The following WDR25 variants were observed in gnomAD, a reference collection of about 807,000 sequenced individuals.
WDR25 encodes the protein WD repeat domain 25, also known as WD repeat-containing protein 25.
In WDR25, 35 loss-of-function variants were observed where a neutral mutation model predicts 47.7. The observed-to-expected ratio is 0.73, with a 90% CI of 0.56 to 0.97. The LOEUF (loss-of-function observed/expected upper bound fraction) is 0.97, where lower values mean the gene tolerates loss of function less well. Among genes scored for constraint, WDR25 ranks in the 50% least tolerant of loss-of-function variants. The probability of loss-of-function intolerance (pLI) is 0.00; values close to 1 mark genes in which losing one functional copy is unlikely to be tolerated. For synonymous variants in WDR25, 248 were observed against 278.9 expected (o/e 0.89, Z 1.10); for missense variants, 634 against 704.7 (o/e 0.90, Z 1.14).
chr14:100,524,350 G>T (rs2030008651), intron 4 of WDR25, among the ~76,000 whole-genome samples: 1 of 152,124 alleles, frequency 6.6e-6, no homozygotes, highest in South Asian at 2.1e-4. Flanking sequence ...GGCAGGGAGG[G>T]CCGTCATCTT....
In WDR25 at chr14:100,498,817, C is replaced by A. The variant is rs1376978064; in HGVS notation, c.1101+14693C>A. On this transcript the variant is annotated intron_variant, in intron 4 of 6. Transcript: ENST00000402312. This position sits in a 1 kb window ranked among gnomAD's most constrained non-coding sequence, Gnocchi z 4.2. ...CCCCTGATTTGGAATGGTTTCTACTCGAAGGGGTATCTTTCTCTAATAGGA... is the reference window on the plus strand; with the variant it reads ...CCCCTGATTTGGAATGGTTTCTACTAGAAGGGGTATCTTTCTCTAATAGGA... Among the ~76,000 whole-genome samples the A allele has an allele frequency of 6.6e-6, 1 of 152,202 alleles. No individual in the cohort carries two copies. The highest frequency in any genetic ancestry group is 2.4e-5 in the African/African-American group (1 of 41,442).
chr14:100,405,945 A>G (rs1371804524), intron 2 of WDR25, among the ~76,000 whole-genome samples: 2 of 152,236 alleles, frequency 1.3e-5, no homozygotes, highest in Non-Finnish European at 2.9e-5. Flanking sequence ...GCTCAAAATG[A>G]TGATGCAATC....
chr14:100,442,382 G>T (rs892837027), intron 2 of WDR25, among the ~76,000 whole-genome samples: 5 of 152,206 alleles, frequency 3.3e-5, no homozygotes, highest in Non-Finnish European at 5.9e-5. Context: ...TCCCAGGCTG[G>T]CAGGGAAAGA....
In WDR25 at chr14:100,529,160, T is replaced by G. The variant is rs1051644852; in HGVS notation, c.1365T>G (p.Thr455=). The change falls in exon 6 of 7, where the codon ACT becomes ACG. Residue 455 remains threonine (T), a synonymous_variant. Transcript: ENST00000402312. This position sits in a 1 kb window ranked among gnomAD's most constrained non-coding sequence, Gnocchi z 5.1. ...GCAACTACCTGGCCCTTTTCTCCAC[T>G]GTGTGGCCCTACCGGATGAGCAGAC... ...TNGNYLALFS[T]VWPYRMSRRR... is the part of the protein sequence containing the mutation. 3.1e-6 allele frequency: 5 copies of G among 1,610,154 alleles called. No individual in the cohort carries two copies. Among genetic ancestry groups the G allele is most frequent in the Non-Finnish European group, 2.5e-6 (3 of 1,176,960 alleles).
intron 4 of WDR25, among the ~76,000 whole-genome samples, chr14:100,512,509 A>C (rs1020549713): frequency 1.3e-5 from 2 of 152,110 alleles, no homozygotes; most frequent in African/African-American, 4.8e-5. Flanking sequence ...GTCTAGCTAG[A>C]GGCTTATAAA....
intron 4 of WDR25, among the ~76,000 whole-genome samples, chr14:100,513,044 G>A (rs914904758): frequency 1.3e-5 from 2 of 152,178 alleles, no homozygotes; most frequent in East Asian, 1.9e-4. Context: ...TGAAAAGAAC[G>A]TGTGTTCTGT....
At position 100,529,949 on chromosome 14, in the gene WDR25, A is replaced by G; in HGVS notation, c.1543A>G (p.Thr515Ala). The change falls in exon 7 of 7, where the codon ACA becomes GCA. Residue 515 changes from threonine to alanine, a missense_variant. Physicochemically the swap from Thr to Ala is moderately conservative, Grantham distance 58. Transcript: ENST00000402312. The surrounding 1 kb of genome is among the most constrained non-coding windows in gnomAD (Gnocchi z 5.1). ...ASRACTLQGH[T>A]QACVGTTYHP... Reference sequence around the variant, plus strand: ...CCGAGCATGCACACTGCAGGGGCACACACAGGCCTGTGTCGGCACCACCTA... The same window carrying G: ...CCGAGCATGCACACTGCAGGGGCACGCACAGGCCTGTGTCGGCACCACCTA... 1 of 1,613,552 alleles carries G rather than the reference A, an allele frequency of 6.2e-7. No individual in the cohort carries two copies. Among genetic ancestry groups the G allele is most frequent in the Non-Finnish European group, 8.5e-7 (1 of 1,180,018 alleles).
chr14:100,470,804 C>T (rs1423675000), intron 3 of WDR25, among the ~76,000 whole-genome samples: 1 of 152,164 alleles, frequency 6.6e-6, no homozygotes, highest in Non-Finnish European at 1.5e-5. Context: ...CCCAATGTGC[C>T]CCTCTAGCTG....
Position 100,500,637 on chromosome 14 carries a change from G to C in WDR25, c.1101+16513G>C, listed in dbSNP as rs7147860. On this transcript the variant is annotated intron_variant, in intron 4 of 6. Coordinates refer to ENST00000402312, the MANE Select transcript of WDR25 (RefSeq NM_001161476.3). The surrounding 1 kb of genome is among the most constrained non-coding windows in gnomAD (Gnocchi z 4.7). ...ACAGTTTTGACGCTGGCTCAGCCAAGCGAGCCTCACCATCTCCATCTCTGT... is the reference window on the plus strand; with the variant it reads ...ACAGTTTTGACGCTGGCTCAGCCAACCGAGCCTCACCATCTCCATCTCTGT... Among the ~76,000 whole-genome samples, 5,245 of 152,298 alleles carry C rather than the reference G, an allele frequency of 0.034. 299 individuals carry two copies. Among genetic ancestry groups the C allele is most frequent in the African/African-American group, 0.12 (4,905 of 41,546 alleles).
chr14:100,428,778 T>C lies in WDR25; in HGVS notation c.823-39243T>C, dbSNP rs1423664010. On this transcript the variant is annotated intron_variant, in intron 2 of 6. Transcript: ENST00000402312. This position sits in a 1 kb window ranked among gnomAD's most constrained non-coding sequence, Gnocchi z 4.3. ...GCTGTACCTTCGCTTTTATTCTACT[T>C]TGAATGTAATTTAGTTGCACATTCA... Among the ~76,000 whole-genome samples the C allele has an allele frequency of 6.6e-6, 1 of 152,234 alleles. No individual in the cohort carries two copies. The highest frequency in any genetic ancestry group is 1.5e-5 in the Non-Finnish European group (1 of 68,032).
chr14:100,423,435 C>T (rs185741340), intron 2 of WDR25, among the ~76,000 whole-genome samples: 5 of 152,258 alleles, frequency 3.3e-5, no homozygotes, highest in African/African-American at 1.2e-4. Flanking sequence ...CACCTTATTC[C>T]GATCGTACTG....
At position 100,525,876 on chromosome 14, in the gene WDR25, A is replaced by G. The variant is rs2140392393; in HGVS notation, c.1108A>G (p.Arg370Gly). 1 of 1,613,626 alleles carries G rather than the reference A, an allele frequency of 6.2e-7. No homozygotes were observed. The highest frequency in any genetic ancestry group is 1.1e-5 in the South Asian group (1 of 91,066). Reference protein sequence around the residue: ...AWDIRTGKVMRSYKATIQQTL... With the variant: ...AWDIRTGKVMGSYKATIQQTL... ...CCGGTGTCCGCTCTTGCAGGTGATGAGAAGCTACAAGGCGACCATCCAGCA... is the reference window on the plus strand; with the variant it reads ...CCGGTGTCCGCTCTTGCAGGTGATGGGAAGCTACAAGGCGACCATCCAGCA... The change falls in exon 5 of 7, where the codon AGA becomes GGA. Residue 370 changes from arginine (R) to glycine (G), a missense_variant. Physicochemically the swap from Arg to Gly is moderately radical, Grantham distance 125 (BLOSUM62 -2). Coordinates refer to ENST00000402312, the MANE Select transcript of WDR25 (RefSeq NM_001161476.3). The surrounding 1 kb of genome is among the most constrained non-coding windows in gnomAD (Gnocchi z 4.6).
At chr14:100,511,755 A>G (rs986696486) in intron 4 of WDR25, among the ~76,000 whole-genome samples, 16 of 152,182 alleles carry the variant, frequency 1.1e-4, no homozygotes, top group Non-Finnish European at 2.4e-4. Flanking sequence ...ACATGTCCCT[A>G]TCAGTTTGAA....
At chr14:100,441,206 G>C (rs1898658456) in intron 2 of WDR25, among the ~76,000 whole-genome samples, 1 of 152,158 alleles carries the variant, frequency 6.6e-6, no homozygotes, top group Non-Finnish European at 1.5e-5. Flanking sequence ...TTACCACACA[G>C]TCATCAAACG....
At position 100,396,015 on chromosome 14, in the gene WDR25, C is replaced by G. The variant is rs1454622367; in HGVS notation, c.822+14269C>G. Among the ~76,000 whole-genome samples, 27 of 133,460 alleles carry G rather than the reference C, an allele frequency of 2.0e-4. No homozygotes were observed. In the Admixed American group the frequency reaches 2.4e-3, roughly 12 times the overall value. 87.6% of individuals were successfully genotyped at this position (133,460 alleles called of 152,430 possible). ...TTTTTGAGACGGAGTCTCGCTCTGT[C>G]GCCCAGGTTGGAGTGCAGTGGTGCA... On this transcript the variant is annotated intron_variant, in intron 2 of 6. Coordinates refer to ENST00000402312, the MANE Select transcript of WDR25 (RefSeq NM_001161476.3).
intron 2 of WDR25, among the ~76,000 whole-genome samples, chr14:100,389,020 T>G (rs1897080362): frequency 6.6e-6 from 1 of 152,168 alleles, no homozygotes; most frequent in Non-Finnish European, 1.5e-5. Context: ...GTCGAGACAG[T>G]CTAGTAAATT....
intron 2 of WDR25, among the ~76,000 whole-genome samples, chr14:100,467,570 T>C (rs1293387575): frequency 6.6e-6 from 1 of 152,230 alleles, no homozygotes; most frequent in African/African-American, 2.4e-5. Context: ...CGTGATTCAC[T>C]GCAACCTCTG....
intron 2 of WDR25, among the ~76,000 whole-genome samples, chr14:100,388,757 C>T (rs1897073677): frequency 6.6e-6 from 1 of 152,186 alleles, no homozygotes; most frequent in East Asian, 1.9e-4. Flanking sequence ...TGTAGCAGAA[C>T]CCAAGCTGTG....
At chr14:100,394,737 A>G (rs563506250) in intron 2 of WDR25, among the ~76,000 whole-genome samples, 1 of 152,232 alleles carries the variant, frequency 6.6e-6, no homozygotes, top group East Asian at 1.9e-4. Flanking sequence ...AGCCTCAGGG[A>G]AGGGGAAGGA....
Sources: gnomAD v4.1 joint callset for allele counts (sites outside exome capture counted in the v4.1 genomes callset) on GRCh38, gnomAD v4.1.1 for gene constraint, Gnocchi (gnomAD v3.1) non-coding constraint, MANE v1.5 for transcripts, NCBI Gene and HGNC (gene_info 2026-07-23, HGNC 2026-07-21) for gene names.